RABEPK: variants seen among roughly 807,000 people sequenced by gnomAD.
RABEPK encodes Rab9 effector protein with kelch motifs, also known as 40 kDa Rab9 effector protein.
Under a neutral mutation model 34.1 loss-of-function variants are expected in RABEPK, and 27 were observed. The observed-to-expected ratio is 0.79, with a 90% confidence interval of 0.58 to 1.09. The LOEUF is 1.09. Ranked by LOEUF, RABEPK falls within the 50% of genes least tolerant of loss-of-function variation. RABEPK has a pLI of 0.00. For missense variants in RABEPK, 449 were observed against 462.6 expected (o/e 0.97, Z 0.27); for synonymous variants, 172 against 169.2 (o/e 1.02, Z -0.13).
intron 4 of RABEPK, among the ~76,000 whole-genome samples, chr9:125,217,595 A>G (rs1210032273): frequency 1.3e-5 from 2 of 152,066 alleles, no homozygotes; most frequent in African/African-American, 2.4e-5. Context: ...GTGATTTTCT[A>G]TCATATCCCT....
intron 5 of RABEPK, among the ~76,000 whole-genome samples, chr9:125,226,271 C>T (rs566565013): frequency 1.7e-4 from 25 of 151,138 alleles, no homozygotes; most frequent in Middle Eastern, 6.9e-3. Context: ...GGGCGAAGAT[C>T]GCACTTGTGC....
chr9:125,228,483 C>T (rs1011217375), intron 6 of RABEPK, among the ~76,000 whole-genome samples: 2 of 151,520 alleles, frequency 1.3e-5, no homozygotes, highest in African/African-American at 4.9e-5. Context: ...ATGGTGAAAC[C>T]CCGTGTCTAC....
intron 4 of RABEPK, among the ~76,000 whole-genome samples, chr9:125,213,951 A>G (rs1264618292): frequency 1.3e-5 from 2 of 152,038 alleles, no homozygotes; most frequent in Non-Finnish European, 2.9e-5. Flanking sequence ...TAAAACCCCC[A>G]TCTCTATTAA....
chr9:125,200,624 C>G lies in RABEPK; in HGVS notation c.-289C>G. 1 of 462,824 alleles carries G rather than the reference C, an allele frequency of 2.2e-6. No individual in the cohort carries two copies. Among genetic ancestry groups the G allele is most frequent in the South Asian group, 1.6e-5 (1 of 64,256 alleles). The allele number at this position is 462,824 out of a possible 1,614,324, so 28.7% of individuals were successfully genotyped here. On this transcript the variant is annotated 5_prime_UTR_variant, in exon 1 of 8. Coordinates refer to ENST00000373538, the MANE Select transcript of RABEPK (RefSeq NM_005833.4). ...GGGTAGGGGCGAGGGTCCCCGGATA[C>G]CGGGTCTATCACGGTCTCGGGCAGG...
Position 125,202,918 on chromosome 9 carries a change from C to T in RABEPK, c.-6-90C>T, listed in dbSNP as rs1287577034. On this transcript the variant is annotated intron_variant, in intron 1 of 7. Coordinates refer to ENST00000373538, the MANE Select transcript of RABEPK (RefSeq NM_005833.4). The stretch of plus-strand genomic sequence containing the variant: ...AATCAATCAGGCCTAGAAATTAGTA[C>T]ATTCAACAGGAAAGGTTTAAAAAGG... 6.7e-6 allele frequency: 6 copies of T among 899,026 alleles called. No individual in the cohort carries two copies. The Admixed American group carries it at 7.6e-5, about 11-fold the overall frequency. 55.7% of individuals were successfully genotyped at this position (899,026 alleles called of 1,614,324 possible).
intron 6 of RABEPK, among the ~76,000 whole-genome samples, chr9:125,232,355 A>G (rs1320515453): frequency 1.3e-5 from 2 of 152,188 alleles, no homozygotes; most frequent in Non-Finnish European, 2.9e-5. Context: ...TGTGTGATCC[A>G]AAGACTGCCT....
intron 5 of RABEPK, among the ~76,000 whole-genome samples, chr9:125,225,944 CAG>C (rs1249318402): frequency 1.6e-5 from 2 of 123,870 alleles, no homozygotes. Context: ...GCCTGGGTGA[CAG>C]AGGAAGACTC....
At chr9:125,218,318 T>G in intron 4 of RABEPK, among the ~76,000 whole-genome samples, 2 of 26,942 alleles carry the variant, frequency 7.4e-5, no homozygotes. Context: ...CGAGACTCCG[T>G]CTCAAAAAAA....
Position 125,227,971 on chromosome 9 carries a change from T to TG in RABEPK, c.589dup (p.Val197GlyfsTer22), listed in dbSNP as rs748419993. 3 of 1,609,472 alleles carry TG rather than the reference T, an allele frequency of 1.9e-6. No homozygotes were observed. The highest frequency in any genetic ancestry group is 2.5e-6 in the Non-Finnish European group (3 of 1,177,484). On this transcript the variant is annotated frameshift_variant, in exon 6 of 8. Transcript: ENST00000373538. LOFTEE classifies it high-confidence loss of function. Reference sequence around the variant, plus strand: ...ATCCTCCATCTCCCCGGCATGGTCATGTGATGGTGGCAGCAGGGACAAAGC... The same window carrying TG: ...ATCCTCCATCTCCCCGGCATGGTCATGGTGATGGTGGCAGCAGGGACAAAGC...
At chr9:125,223,720 G>T (rs1450677531) in intron 5 of RABEPK, among the ~76,000 whole-genome samples, 1 of 72,132 alleles carries the variant, frequency 1.4e-5, no homozygotes. Flanking sequence ...GCGAGACCCT[G>T]ACTCTAAAAA....
In RABEPK at chr9:125,203,045, A is replaced by T. The variant is rs756905650; in HGVS notation, c.32A>T (p.Asp11Val). MKQLPVLEPG[D>V]KPRKATWYTL... ...CAACTGCCAGTCTTGGAACCTGGAGACAAGCCCAGGAAAGCAACATGGTCT... is the reference window on the plus strand; with the variant it reads ...CAACTGCCAGTCTTGGAACCTGGAGTCAAGCCCAGGAAAGCAACATGGTCT... The change falls in exon 2 of 8, where the codon GAC (aspartate) becomes GTC (valine). Residue 11 changes from aspartate (D) to valine (V), a missense_variant. Transcript: ENST00000373538. 9.3e-6 allele frequency: 15 copies of T among 1,613,568 alleles called. No homozygotes were observed. In the Admixed American group the frequency reaches 1.5e-4, roughly 16 times the overall value.
intron 5 of RABEPK, 100 bp from the exon 6 acceptor site, chr9:125,227,810 C>A (rs546878857): frequency 2.1e-4 from 257 of 1,197,842 alleles, no homozygotes; most frequent in Admixed American, 5.7e-4. Context: ...CTGCATGGGA[C>A]AGCTCCGCTT....
chr9:125,220,666 C>G lies in RABEPK; in HGVS notation c.492C>G (p.Pro164=). The change falls in exon 5 of 8, where the codon CCC becomes CCG. Residue 164 remains proline (P), a synonymous_variant. Coordinates refer to ENST00000373538, the MANE Select transcript of RABEPK (RefSeq NM_005833.4). ...GGGGCGGAGAGAGAGGTGCCCAGCC[C>G]GTGCAGGACACGAAGCTGCATGTGT... ...VFGGGERGAQ[P]VQDTKLHVFD... 1 of 1,614,178 alleles carries G rather than the reference C, an allele frequency of 6.2e-7. No individual in the cohort carries two copies. Among genetic ancestry groups the G allele is most frequent in the Middle Eastern group, 1.6e-4 (1 of 6,062 alleles).
At chr9:125,227,882 T>C (rs779232689) in intron 5 of RABEPK, 28 bp from the exon 6 acceptor site, 44 of 1,508,364 alleles carry the variant, frequency 2.9e-5, no homozygotes, top group Non-Finnish European at 3.7e-5. Flanking sequence ...AGTTTTGCCA[T>C]TTGATGTTAT....
At chr9:125,219,406 ATT>A in intron 4 of RABEPK, among the ~76,000 whole-genome samples, 1 of 150,764 alleles carries the variant, frequency 6.6e-6, no homozygotes, top group East Asian at 2.0e-4. Flanking sequence ...TATTATTATT[ATT>A]TTTTAAGATG....
At chr9:125,220,043 G>A (rs1831213317) in intron 4 of RABEPK, among the ~76,000 whole-genome samples, 1 of 151,726 alleles carries the variant, frequency 6.6e-6, no homozygotes, top group Admixed American at 6.6e-5. Flanking sequence ...CTGTCACCCA[G>A]GCTGGAGTGC....
chr9:125,210,403 C>CAAAAAA (rs775128302), intron 3 of RABEPK, among the ~76,000 whole-genome samples: 1 of 67,868 alleles, frequency 1.5e-5, no homozygotes, highest in Non-Finnish European at 2.8e-5. Context: ...GTCTCCGTCT[C>CAAAAAA]AAAAAAAAAA....
At chr9:125,218,585 G>A (rs1043376439) in intron 4 of RABEPK, among the ~76,000 whole-genome samples, 1 of 146,024 alleles carries the variant, frequency 6.8e-6, no homozygotes, top group Admixed American at 7.2e-5. Context: ...AAAGAAATAA[G>A]CTTCTATACA....
At chr9:125,216,894 G>A (rs1298054348) in intron 4 of RABEPK, among the ~76,000 whole-genome samples, 1 of 151,780 alleles carries the variant, frequency 6.6e-6, no homozygotes, top group Non-Finnish European at 1.5e-5. Context: ...TTGAACCTGG[G>A]AGGTGGAGGT....
Sources: gnomAD v4.1 joint callset for allele counts (sites outside exome capture counted in the v4.1 genomes callset) on GRCh38, gnomAD v4.1.1 for gene constraint, MANE v1.5 for transcripts, NCBI Gene and HGNC (gene_info 2026-07-23, HGNC 2026-07-21) for gene names.